PARP16: variants seen among roughly 807,000 people sequenced by gnomAD.
The protein encoded by PARP16 is poly(ADP-ribose) polymerase family member 16.
A neutral mutation model predicts 35.0 loss-of-function variants in PARP16; 31 were observed. The observed-to-expected ratio is 0.88, with a 90% confidence interval of 0.66 to 1.19. PARP16 has a LOEUF of 1.19. Among genes scored for constraint, PARP16 ranks in the 50% most tolerant of loss-of-function variants. The probability of loss-of-function intolerance (pLI) is 0.00; values close to 1 mark genes in which losing one functional copy is unlikely to be tolerated. For synonymous variants in PARP16, 162 were observed against 169.5 expected, an observed-to-expected ratio of 0.96 and a Z score of 0.34; for missense variants, 424 against 411.2, an observed-to-expected ratio of 1.03 and a Z score of -0.27.
intron 3 of PARP16, among the ~76,000 whole-genome samples, chr15:65,236,233 G>A (rs917929114): frequency 1.3e-5 from 2 of 152,168 alleles, no homozygotes; most frequent in African/African-American, 4.8e-5. Context: ...AGAATAGAAC[G>A]GTGAATACTA....
chr15:65,282,032 G>A (rs558286955), intron 1 of PARP16, among the ~76,000 whole-genome samples: 1 of 152,062 alleles, frequency 6.6e-6, no homozygotes, highest in African/African-American at 2.4e-5. Flanking sequence ...CTTTTTTTGA[G>A]ACAGGGTCCC....
At position 65,244,133 on chromosome 15, in the gene PARP16, A is replaced by C. The variant is rs77441666; in HGVS notation, c.*97+3984T>G. 1.2e-3 allele frequency among the ~76,000 whole-genome samples: 179 copies of C among 152,226 alleles called. 2 individuals are homozygous for C. The East Asian group carries it at 0.032, about 27-fold the overall frequency. On this transcript the variant is annotated intron_variant and NMD_transcript_variant, in intron 3 of 3. Transcript: ENST00000559805. ...CTTTGCATGGTCGTTTCTCATTCTCAATCTCCAGGTCTCAGATAATGTGTC... is the reference window on the plus strand; with the variant it reads ...CTTTGCATGGTCGTTTCTCATTCTCCATCTCCAGGTCTCAGATAATGTGTC...
intron 1 of PARP16, among the ~76,000 whole-genome samples, chr15:65,274,529 G>T (rs190578258): frequency 9.0e-4 from 136 of 151,002 alleles, no homozygotes; most frequent in African/African-American, 3.2e-3. Flanking sequence ...AGCCATGATT[G>T]TTCTACTGCA....
intron 3 of PARP16, among the ~76,000 whole-genome samples, chr15:65,239,595 T>C (rs2088993477): frequency 6.6e-6 from 1 of 151,586 alleles, no homozygotes; most frequent in Non-Finnish European, 1.5e-5. Context: ...ATATGCTTTC[T>C]GCCATTACCA....
At chr15:65,249,641 T>TTTG (rs1200432115) in intron 2 of PARP16, among the ~76,000 whole-genome samples, 1 of 151,794 alleles carries the variant, frequency 6.6e-6, no homozygotes, top group Non-Finnish European at 1.5e-5. Context: ...GGGGTGACTG[T>TTTG]TTGTTCTCTG....
chr15:65,231,337 G>A (rs144214358), downstream of PARP16, among the ~76,000 whole-genome samples: 284 of 152,100 alleles, frequency 1.9e-3, no homozygotes, highest in African/African-American at 5.9e-3. Context: ...ATTTATTTAC[G>A]TATATCCTAT....
downstream of PARP16, among the ~76,000 whole-genome samples, chr15:65,233,858 G>A (rs571590012): frequency 4.6e-5 from 7 of 152,034 alleles, no homozygotes; most frequent in South Asian, 2.1e-4. Flanking sequence ...CTTTGAATTC[G>A]TGACTTTTTT....
chr15:65,272,253 G>A (rs1233821934), intron 1 of PARP16, among the ~76,000 whole-genome samples: 1 of 152,218 alleles, frequency 6.6e-6, no homozygotes, highest in African/African-American at 2.4e-5. Flanking sequence ...GATTTAGGCT[G>A]ATGTCCCGTG....
chr15:65,275,295 C>T (rs2090219494), intron 1 of PARP16, among the ~76,000 whole-genome samples: 2 of 152,118 alleles, frequency 1.3e-5, no homozygotes, highest in South Asian at 4.1e-4. Context: ...TATAAAAGCG[C>T]AGCATGTAGC....
At chr15:65,255,640 T>G (rs1179749896), downstream of PARP16, among the ~76,000 whole-genome samples, 1 of 151,170 alleles carries the variant, frequency 6.6e-6, no homozygotes, top group African/African-American at 2.4e-5. Flanking sequence ...ATTCTTTATG[T>G]ATCCTCTGTG....
At chr15:65,236,967 G>C (rs1268464775) in intron 3 of PARP16, among the ~76,000 whole-genome samples, 1 of 132,400 alleles carries the variant, frequency 7.6e-6, no homozygotes, top group Non-Finnish European at 1.6e-5. Context: ...GCAAGACTCT[G>C]TCTCAAAAAA....
chr15:65,277,818 A>G (rs2090301138), intron 1 of PARP16, among the ~76,000 whole-genome samples: 1 of 152,210 alleles, frequency 6.6e-6, no homozygotes, highest in Non-Finnish European at 1.5e-5. Flanking sequence ...ATTCCCCCCA[A>G]TCCCAAAATA....
chr15:65,260,526 G>A (rs550077129), intron 5 of PARP16, among the ~76,000 whole-genome samples: 12 of 152,242 alleles, frequency 7.9e-5, no homozygotes, highest in African/African-American at 2.6e-4. Context: ...AATCACAACC[G>A]GTGTCCAGTC....
At chr15:65,282,022 CTT>C (rs921921118) in intron 1 of PARP16, among the ~76,000 whole-genome samples, 17 of 152,018 alleles carry the variant, frequency 1.1e-4, no homozygotes, top group Non-Finnish European at 1.3e-4. Context: ...AAGTGAGAGA[CTT>C]TTTTTGAGAC....
chr15:65,279,703 T>C (rs1482638553), intron 1 of PARP16, among the ~76,000 whole-genome samples: 6 of 152,204 alleles, frequency 3.9e-5, no homozygotes, highest in South Asian at 4.1e-4. Context: ...ACAAATCTAA[T>C]TGTTATCATT....
chr15:65,243,553 A>C (rs1240823441), intron 3 of PARP16, among the ~76,000 whole-genome samples: 1 of 152,066 alleles, frequency 6.6e-6, no homozygotes, highest in African/African-American at 2.4e-5. Flanking sequence ...GCCTTCTTGG[A>C]ATATCTCTGT....
chr15:65,252,431 G>A (rs2089385973), intron 2 of PARP16, among the ~76,000 whole-genome samples: 1 of 152,186 alleles, frequency 6.6e-6, no homozygotes, highest in Admixed American at 6.5e-5. Flanking sequence ...GGGATAGCCT[G>A]CACTTGCTCA....
chr15:65,255,074 C>G (rs2089461825), downstream of PARP16, among the ~76,000 whole-genome samples: 1 of 152,134 alleles, frequency 6.6e-6, no homozygotes, highest in Admixed American at 6.5e-5. Context: ...AGCTGGGGGC[C>G]CCTATGAGGT....
Position 65,245,935 on chromosome 15 carries a change from C to A in PARP16, c.*97+2182G>T, listed in dbSNP as rs149596595. Reference sequence around the variant, plus strand: ...TAGTTCTGGCCCCAAGCAGAGCAGCCAGATATGGTGAGGGGCCGTCACAAT... The same window carrying A: ...TAGTTCTGGCCCCAAGCAGAGCAGCAAGATATGGTGAGGGGCCGTCACAAT... On this transcript the variant is annotated intron_variant and NMD_transcript_variant, in intron 3 of 3. Coordinates refer to the PARP16 transcript ENST00000559805. Among the ~76,000 whole-genome samples, 517 of 152,196 alleles carry A rather than the reference C, an allele frequency of 3.4e-3. 4 individuals are homozygous for A. Among genetic ancestry groups the A allele is most frequent in the Admixed American group, 7.0e-3 (107 of 15,278 alleles).
Sources: gnomAD v4.1 joint callset for allele counts (sites outside exome capture counted in the v4.1 genomes callset) on GRCh38, gnomAD v4.1.1 for gene constraint, MANE v1.5 for transcripts, NCBI Gene and HGNC (gene_info 2026-07-23, HGNC 2026-07-21) for gene names.